BDH1: variants seen among roughly 807,000 people sequenced by gnomAD.
The protein encoded by BDH1 is 3-hydroxybutyrate dehydrogenase 1.
BDH1 carries 30 observed loss-of-function variants against 33.1 expected under a neutral mutation model. The observed-to-expected ratio is 0.91, with a 90% CI of 0.68 to 1.23. BDH1 has a LOEUF of 1.23. Ranked by LOEUF, BDH1 falls within the 50% of genes most tolerant of loss-of-function variation. The probability of loss-of-function intolerance (pLI) is 0.00; values close to 1 mark genes in which losing one functional copy is unlikely to be tolerated. For synonymous variants in BDH1, 190 were observed against 183.6 expected (o/e 1.03, Z -0.28); for missense variants, 443 against 464.4 (o/e 0.95, Z 0.42).
intron 5 of BDH1, chr3:197,530,853 T>C (rs936099626): frequency 2.0e-5 from 3 of 152,602 alleles, no homozygotes; most frequent in African/African-American, 7.2e-5. Context: ...CAAACACTTG[T>C]GTAACATGGG....
rs1231394443 is a variant in BDH1, at chr3:197,511,049, A to T, written c.*846T>A. 6.6e-6 allele frequency: 1 copy of T among 152,266 alleles called. No individual in the cohort carries two copies. Among genetic ancestry groups the T allele is most frequent in the African/African-American group, 2.4e-5 (1 of 41,440 alleles). 9.4% of individuals were successfully genotyped at this position (152,266 alleles called of 1,614,324 possible). Reference sequence around the variant, plus strand: ...CGGGACCAGCCTAGCCAACATGGTGAAACCCCATCTCTACTAAAAATACAA... The same window carrying T: ...CGGGACCAGCCTAGCCAACATGGTGTAACCCCATCTCTACTAAAAATACAA... On this transcript the variant is annotated 3_prime_UTR_variant, in exon 8 of 8. Transcript: ENST00000392379.
Position 197,512,060 on chromosome 3 carries a change from G to GC in BDH1, c.866dup (p.Ser289ArgfsTer100). 1 of 1,614,200 alleles carries GC rather than the reference G, an allele frequency of 6.2e-7. No homozygotes were observed. Among genetic ancestry groups the GC allele is most frequent in the Non-Finnish European group, 8.5e-7 (1 of 1,180,034 alleles). On this transcript the variant is annotated frameshift_variant, in exon 8 of 8. Coordinates refer to ENST00000392379, the MANE Select transcript of BDH1 (RefSeq NM_203314.3). LOFTEE classifies it high-confidence loss of function. ...CAGGGGACGTGTCTGTGGAGCCACTGCTGCAGTAGGTCTCCATCTTGGCGA... is the reference window on the plus strand; with the variant it reads ...CAGGGGACGTGTCTGTGGAGCCACTGCCTGCAGTAGGTCTCCATCTTGGCGA...
chr3:197,531,069 A>G (rs1193457637), intron 5 of BDH1, among the ~76,000 whole-genome samples: 1 of 152,202 alleles, frequency 6.6e-6, no homozygotes, highest in Non-Finnish European at 1.5e-5. Flanking sequence ...AGCGATAAAG[A>G]AAAAACAAAA....
At chr3:197,547,507 G>A (rs1288199375) in intron 2 of BDH1, among the ~76,000 whole-genome samples, 1 of 152,242 alleles carries the variant, frequency 6.6e-6, no homozygotes, top group Non-Finnish European at 1.5e-5. Flanking sequence ...AGCAGGTGGA[G>A]GCGTTTAATC....
At chr3:197,560,873 A>AATGT (rs1301648094), upstream of BDH1, among the ~76,000 whole-genome samples, 5 of 152,144 alleles carry the variant, frequency 3.3e-5, no homozygotes, top group African/African-American at 9.7e-5. Context: ...AACTCAAAAG[A>AATGT]ATGTAACCAT....
At chr3:197,563,299 C>T (rs914873986) in intron 1 of BDH1, among the ~76,000 whole-genome samples, 20 of 152,126 alleles carry the variant, frequency 1.3e-4, no homozygotes, top group Non-Finnish European at 2.4e-4. Context: ...TGAGTTGTTT[C>T]CTTTAATATG....
chr3:197,529,072 C>T (rs1714402304), intron 5 of BDH1: 1 of 152,202 alleles, frequency 6.6e-6, no homozygotes, highest in Non-Finnish European at 1.5e-5. Context: ...GAATCCAGCA[C>T]CAGGGATGCC....
At chr3:197,569,177 T>A (rs1324336383) in intron 1 of BDH1, among the ~76,000 whole-genome samples, 4 of 152,180 alleles carry the variant, frequency 2.6e-5, no homozygotes, top group Non-Finnish European at 5.9e-5. Context: ...CACCACCAAT[T>A]GTTCTGAGGT....
rs1713769904 is a variant in BDH1 at position 197,523,431 on chromosome 3, C to G, written c.268-650G>C. 6.6e-6 allele frequency among the ~76,000 whole-genome samples: 1 copy of G among 152,218 alleles called. No individual in the cohort carries two copies. Among genetic ancestry groups the G allele is most frequent in the African/African-American group, 2.4e-5 (1 of 41,524 alleles). On this transcript the variant is annotated intron_variant, in intron 5 of 7. Coordinates refer to ENST00000392379, the MANE Select transcript of BDH1 (RefSeq NM_203314.3). The surrounding 1 kb of genome is among the most constrained non-coding windows in gnomAD (Gnocchi z 4.5). ...GTCCCTGAACAGGGGTCCATTTTTTCTGGCTGTAAAACAGGAACATCACCA... is the reference window on the plus strand; with the variant it reads ...GTCCCTGAACAGGGGTCCATTTTTTGTGGCTGTAAAACAGGAACATCACCA...
At chr3:197,540,699 G>T (rs964575467) in intron 3 of BDH1, among the ~76,000 whole-genome samples, 3 of 151,980 alleles carry the variant, frequency 2.0e-5, no homozygotes, top group Non-Finnish European at 4.4e-5. Flanking sequence ...GTAACAAAAA[G>T]GTCTAGGCAA....
intron 3 of BDH1, chr3:197,538,438 G>A (rs572212716): frequency 5.5e-5 from 25 of 451,436 alleles, no homozygotes; most frequent in East Asian, 1.4e-4. Flanking sequence ...TGCAACCTCC[G>A]CCTCCTGGGT....
chr3:197,532,621 G>C, intron 4 of BDH1, 99 bp from the exon 5 acceptor site: 1 of 846,378 alleles, frequency 1.2e-6, no homozygotes, highest in Non-Finnish European at 2.0e-6. Flanking sequence ...AGTGCTTCCT[G>C]AGTGGCCCAA....
rs561001223 is a variant in BDH1, at chr3:197,521,195, C to T, written c.409+1445G>A. Among the ~76,000 whole-genome samples the T allele has an allele frequency of 7.2e-5, 11 of 152,282 alleles. No homozygotes were observed. The South Asian group carries it at 2.3e-3, about 32-fold the overall frequency. ...GCCTGAATGACGCACACCCTTTCTG[C>T]CTGGGCTGTCAGGGAGCTCAAAGGT... On this transcript the variant is annotated intron_variant, in intron 6 of 7. Coordinates refer to ENST00000392379, the MANE Select transcript of BDH1 (RefSeq NM_203314.3). This position sits in a 1 kb window ranked among gnomAD's most constrained non-coding sequence, Gnocchi z 4.9.
chr3:197,564,838 C>G (rs540733964), intron 1 of BDH1, among the ~76,000 whole-genome samples: 1 of 152,296 alleles, frequency 6.6e-6, no homozygotes, highest in Admixed American at 6.5e-5. Flanking sequence ...GAAGTTATAG[C>G]TTATGGTCAA....
chr3:197,550,392 C>A (rs185629483), intron 2 of BDH1, among the ~76,000 whole-genome samples: 1 of 152,352 alleles, frequency 6.6e-6, no homozygotes, highest in Non-Finnish European at 1.5e-5. Flanking sequence ...CGATAACACA[C>A]CACATACACT....
rs1711966992 is a variant in BDH1 at position 197,511,031 on chromosome 3, A to G, written c.*864T>C. ...CACTTGAAGTCGGGAGTTCGGGACC[A>G]GCCTAGCCAACATGGTGAAACCCCA... On this transcript the variant is annotated 3_prime_UTR_variant, in exon 8 of 8. Transcript: ENST00000392379. The G allele has an allele frequency of 1.3e-5, 2 of 152,296 alleles. No individual in the cohort carries two copies. Among genetic ancestry groups the G allele is most frequent in the South Asian group, 4.1e-4 (2 of 4,832 alleles). The allele number at this position is 152,296 out of a possible 1,614,324, so 9.4% of individuals were successfully genotyped here. A position where few individuals can be genotyped will look rare whatever the true frequency, so the allele number is the denominator to read the frequency against.
chr3:197,572,094 T>C (rs892472737), intron 1 of BDH1, among the ~76,000 whole-genome samples: 6 of 152,118 alleles, frequency 3.9e-5, no homozygotes, highest in South Asian at 2.1e-4. Flanking sequence ...AGGCCTTTCC[T>C]GGGCCTTAAA....
chr3:197,551,250 A>T (rs536924283), intron 2 of BDH1, among the ~76,000 whole-genome samples: 2 of 152,300 alleles, frequency 1.3e-5, no homozygotes, highest in East Asian at 3.9e-4. Flanking sequence ...TCTGGTAACC[A>T]TCATTCTACT....
rs1713786039 is a variant in BDH1 at position 197,523,587 on chromosome 3, T to G, written c.268-806A>C. Among the ~76,000 whole-genome samples, 1 of 152,204 alleles carries G rather than the reference T, an allele frequency of 6.6e-6. No homozygotes were observed. Among genetic ancestry groups the G allele is most frequent in the Non-Finnish European group, 1.5e-5 (1 of 68,036 alleles). ...AAGGCGTCACTCGCTCGGCAAACATTTCTTGGGCCCCTATCGTGTTCCGGC... is the reference window on the plus strand; with the variant it reads ...AAGGCGTCACTCGCTCGGCAAACATGTCTTGGGCCCCTATCGTGTTCCGGC... On this transcript the variant is annotated intron_variant, in intron 5 of 7. Transcript: ENST00000392379. The surrounding 1 kb of genome is among the most constrained non-coding windows in gnomAD (Gnocchi z 4.5).
Sources: allele counts gnomAD v4.1 joint callset (sites outside exome capture counted in the v4.1 genomes callset), GRCh38; gene constraint gnomAD v4.1.1; non-coding constraint Gnocchi (gnomAD v3.1); transcripts MANE v1.5; gene names NCBI Gene and HGNC (gene_info 2026-07-23, HGNC 2026-07-21).